Variants in TCERG1L observed in about 807,000 individuals in gnomAD.
The protein encoded by TCERG1L is transcription elongation regulator 1-like protein.
TCERG1L carries 37 observed loss-of-function variants against 56.3 expected under a neutral mutation model. The ratio of observed to expected loss-of-function variants is 0.66; its 90% CI spans 0.51 to 0.87. The LOEUF is 0.87. Among genes scored for constraint, TCERG1L ranks in the 40% least tolerant of loss-of-function variants. TCERG1L has a pLI of 0.00. For synonymous variants in TCERG1L, 324 were observed against 326.3 expected (o/e 0.99, Z 0.08); for missense variants, 799 against 774.2 (o/e 1.03, Z -0.38).
chr10:131,287,831 G>C (rs1244913285), intron 3 of TCERG1L, among the ~76,000 whole-genome samples: 2 of 152,176 alleles, frequency 1.3e-5, no homozygotes, highest in Non-Finnish European at 2.9e-5. Flanking sequence ...AGGGACAGGG[G>C]TGCTCAGTCA....
intron 11 of TCERG1L, 143 bp from the exon 12 acceptor site, chr10:131,093,461 G>C: frequency 1.1e-6 from 1 of 949,336 alleles, no homozygotes; most frequent in Non-Finnish European, 1.6e-6. Flanking sequence ...GTGGGTGAGC[G>C]GCTCTGACCA....
chr10:131,177,257 GCA>G (rs1454014923), intron 4 of TCERG1L, among the ~76,000 whole-genome samples: 2 of 152,006 alleles, frequency 1.3e-5, no homozygotes, highest in African/African-American at 2.4e-5. Flanking sequence ...ACACACACAG[GCA>G]CACACATGCC....
At chr10:131,220,142 G>A (rs1366560201) in intron 4 of TCERG1L, among the ~76,000 whole-genome samples, 1 of 152,192 alleles carries the variant, frequency 6.6e-6, no homozygotes, top group Non-Finnish European at 1.5e-5. Flanking sequence ...TCCATAGTGA[G>A]GCTTCTCCTG....
At chr10:131,252,171 C>T (rs1030103802) in intron 4 of TCERG1L, among the ~76,000 whole-genome samples, 1 of 152,168 alleles carries the variant, frequency 6.6e-6, no homozygotes, top group South Asian at 2.1e-4. Flanking sequence ...AATGGACGCT[C>T]GGATCACTTC....
At chr10:131,161,070 A>T (rs1012396081) in intron 6 of TCERG1L, 8 of 152,210 alleles carry the variant, frequency 5.3e-5, no homozygotes, top group Non-Finnish European at 1.0e-4. Flanking sequence ...GGCATCGTAA[A>T]ATGTATATGC....
chr10:131,178,833 A>G (rs1408145978), intron 4 of TCERG1L, among the ~76,000 whole-genome samples: 1 of 152,134 alleles, frequency 6.6e-6, no homozygotes, highest in Non-Finnish European at 1.5e-5. Flanking sequence ...AAGTTAAACA[A>G]CAGAATCAAC....
At chr10:131,228,008 C>G (rs1294941974) in intron 4 of TCERG1L, among the ~76,000 whole-genome samples, 1 of 151,376 alleles carries the variant, frequency 6.6e-6, no homozygotes, top group Non-Finnish European at 1.5e-5. Flanking sequence ...GACTTGGACT[C>G]TGTCCTCCTT....
At chr10:131,292,238 T>C (rs1042108369) in intron 3 of TCERG1L, among the ~76,000 whole-genome samples, 1 of 152,264 alleles carries the variant, frequency 6.6e-6, no homozygotes, top group African/African-American at 2.4e-5. Flanking sequence ...CTTCATTCTT[T>C]AGTTTTCTGA....
chr10:131,306,413 C>T (rs1057097191), intron 3 of TCERG1L, among the ~76,000 whole-genome samples: 2 of 134,128 alleles, frequency 1.5e-5, no homozygotes, highest in Non-Finnish European at 3.4e-5. Flanking sequence ...ATATATGATC[C>T]GTAAATTAAA....
chr10:131,168,284 C>T (rs763785769), intron 4 of TCERG1L, among the ~76,000 whole-genome samples: 1 of 152,202 alleles, frequency 6.6e-6, no homozygotes, highest in African/African-American at 2.4e-5. Context: ...CACACCCCAC[C>T]TTCTAGCCTT....
At chr10:131,142,484 A>G (rs1845749045) in intron 7 of TCERG1L, among the ~76,000 whole-genome samples, 1 of 152,214 alleles carries the variant, frequency 6.6e-6, no homozygotes. Flanking sequence ...TGTCATTATC[A>G]ATTTACATTG....
chr10:131,178,586 T>C (rs988773959), intron 4 of TCERG1L, among the ~76,000 whole-genome samples: 3 of 152,148 alleles, frequency 2.0e-5, no homozygotes, highest in Admixed American at 2.0e-4. Context: ...AGGCCCTAAT[T>C]TGAAAACTGG....
At chr10:131,270,852 T>C (rs1487302688) in intron 3 of TCERG1L, among the ~76,000 whole-genome samples, 1 of 152,248 alleles carries the variant, frequency 6.6e-6, no homozygotes, top group Non-Finnish European at 1.5e-5. Context: ...CCGACGTTCC[T>C]GTTCCAGTGT....
chr10:131,093,344 C>T (rs376838486), intron 11 of TCERG1L, 26 bp from the exon 12 acceptor site: 2 of 1,610,804 alleles, frequency 1.2e-6, no homozygotes, highest in Middle Eastern at 1.7e-4. Context: ...TTTCCTGAGA[C>T]ACCTTCCAGA....
intron 4 of TCERG1L, among the ~76,000 whole-genome samples, chr10:131,229,815 G>T (rs1049687800): frequency 6.6e-6 from 1 of 152,008 alleles, no homozygotes; most frequent in South Asian, 2.1e-4. Flanking sequence ...AAGGCATAGG[G>T]TAAGTAACCT....
At chr10:131,233,490 T>TCA (rs1033503416) in intron 4 of TCERG1L, among the ~76,000 whole-genome samples, 3 of 150,024 alleles carry the variant, frequency 2.0e-5, no homozygotes, top group South Asian at 2.2e-4. Flanking sequence ...GCACACACGC[T>TCA]CACACACACA....
chr10:131,210,789 A>C (rs549355970), intron 4 of TCERG1L, among the ~76,000 whole-genome samples: 1 of 152,302 alleles, frequency 6.6e-6, no homozygotes, highest in Non-Finnish European at 1.5e-5. Flanking sequence ...GCTTATTAGT[A>C]ATAAATTATA....
At chr10:131,280,427 A>G (rs1054683860) in intron 3 of TCERG1L, among the ~76,000 whole-genome samples, 1 of 151,652 alleles carries the variant, frequency 6.6e-6, no homozygotes, top group Non-Finnish European at 1.5e-5. Context: ...AGTTGGGAAG[A>G]CTGGAAGCAG....
In TCERG1L at chr10:131,228,154, C is replaced by T. The variant is rs562827537; in HGVS notation, c.856+32105G>A. On this transcript the variant is annotated intron_variant, in intron 4 of 11. Coordinates refer to ENST00000368642, the MANE Select transcript of TCERG1L (RefSeq NM_174937.4). ...CAGACAGGCATTTCCTCAAGGCCTCCGGAGTCTCCCCTCCGGACAGGCATT... is the reference window on the plus strand; with the variant it reads ...CAGACAGGCATTTCCTCAAGGCCTCTGGAGTCTCCCCTCCGGACAGGCATT... Among the ~76,000 whole-genome samples the T allele has an allele frequency of 2.1e-3, 315 of 149,884 alleles. 2 individuals are homozygous for T. The highest frequency in any genetic ancestry group is 6.8e-3 in the African/African-American group (274 of 40,520).
Sources: gnomAD v4.1 joint callset for allele counts (sites outside exome capture counted in the v4.1 genomes callset) on GRCh38, gnomAD v4.1.1 for gene constraint, MANE v1.5 for transcripts, NCBI Gene and HGNC (gene_info 2026-07-23, HGNC 2026-07-21) for gene names.